Variants in MAP9 observed in about 807,000 individuals in gnomAD.
MAP9 encodes microtubule associated protein 9.
A neutral mutation model predicts 75.2 loss-of-function variants in MAP9; 80 were observed. That is an observed-to-expected ratio of 1.06 (90% CI 0.89 to 1.28). The LOEUF is 1.28. Ranked by LOEUF, MAP9 falls within the 50% of genes most tolerant of loss-of-function variation. The pLI is 0.00. For synonymous variants in MAP9, 235 were observed against 237.3 expected, an observed-to-expected ratio of 0.99 and a Z score of 0.09; for missense variants, 753 against 719.9, an observed-to-expected ratio of 1.05 and a Z score of -0.53.
chr4:155,368,631 T>C lies in MAP9; in HGVS notation c.663A>G (p.Gln221=), dbSNP rs199796691. ...PSSLPTPNGI[Q]LEAEKKAFSE... is the part of the protein sequence containing the mutation. ...AGAATGCTTTTTTCTCAGCTTCTAA[T>C]TGTATGCCATTCGGCGTTGGAAGGG... is the stretch of plus-strand genomic sequence containing the variant. Residue 221 remains glutamine, a synonymous_variant, in exon 5 of 14, where the codon CAA becomes CAG. Coordinates refer to ENST00000311277, the MANE Select transcript of MAP9 (RefSeq NM_001039580.2). 155 of 1,614,080 alleles carry C rather than the reference T, an allele frequency of 9.6e-5. No homozygotes were observed. The highest frequency in any genetic ancestry group is 1.2e-4 in the Non-Finnish European group (146 of 1,180,038).
chr4:155,352,135 C>A (rs191684171), intron 13 of MAP9, among the ~76,000 whole-genome samples: 1 of 152,010 alleles, frequency 6.6e-6, no homozygotes, highest in East Asian at 1.9e-4. Context: ...ATTAAAAATT[C>A]CTAAATAAGA....
rs943000741 is a variant in MAP9 at position 155,343,342 on chromosome 4, T to C, written c.*4441A>G. On this transcript the variant is annotated 3_prime_UTR_variant, in exon 14 of 14. Transcript: ENST00000311277. ...GCTTAATTTCAGCTACAGGAGAAAG[T>C]ACACTAGAAACTAATTAACAGGAAG... The C allele has an allele frequency of 6.6e-6, 1 of 151,744 alleles. No homozygotes were observed. Among genetic ancestry groups the C allele is most frequent in the African/African-American group, 2.4e-5 (1 of 41,410 alleles). The allele number at this position is 151,744 out of a possible 1,614,324, so 9.4% of individuals were successfully genotyped here.
chr4:155,375,488 C>T (rs1434704299), intron 2 of MAP9, among the ~76,000 whole-genome samples: 1 of 151,738 alleles, frequency 6.6e-6, no homozygotes, highest in East Asian at 1.9e-4. Context: ...AAAACTTAAA[C>T]ATTATGTTAC....
At position 155,344,755 on chromosome 4, in the gene MAP9, A is replaced by C. The variant is rs1731224467; in HGVS notation, c.*3028T>G. On this transcript the variant is annotated 3_prime_UTR_variant, in exon 14 of 14. Transcript: ENST00000311277. ...TATTGCATCTTTTAAGTTAAATAGC[A>C]TTACCACTTTCTTCATTATTATGAA... The C allele has an allele frequency of 6.6e-6, 1 of 151,954 alleles. No homozygotes were observed. Among genetic ancestry groups the C allele is most frequent in the Non-Finnish European group, 1.5e-5 (1 of 67,888 alleles). 9.4% of individuals were successfully genotyped at this position (151,954 alleles called of 1,614,324 possible).
intron 8 of MAP9, chr4:155,357,051 A>G (rs1171796812): frequency 1.6e-5 from 3 of 191,292 alleles, no homozygotes; most frequent in African/African-American, 4.8e-5. Flanking sequence ...TCATTGCTAG[A>G]CTTCAGCTTT....
chr4:155,369,053 T>C (rs967648343), intron 4 of MAP9, among the ~76,000 whole-genome samples: 1 of 152,098 alleles, frequency 6.6e-6, no homozygotes, highest in Non-Finnish European at 1.5e-5. Flanking sequence ...TTGGGAGCGG[T>C]GACTCACGCC....
chr4:155,360,448 C>G lies in MAP9; in HGVS notation c.803-33G>C, dbSNP rs371172754. 18 of 1,578,624 alleles carry G rather than the reference C, an allele frequency of 1.1e-5. No homozygotes were observed. The African/African-American group carries it at 1.8e-4, about 15-fold the overall frequency. ...GAGACAGAGTAATAGCATTAAAACC[C>G]CCTTCTGAATTAATAAGGTAAATAC... On this transcript the variant is annotated intron_variant, in intron 6 of 13. Transcript: ENST00000311277.
intron 3 of MAP9, among the ~76,000 whole-genome samples, chr4:155,373,947 G>A (rs1349369383): frequency 2.0e-5 from 3 of 152,112 alleles, no homozygotes; most frequent in African/African-American, 7.2e-5. Flanking sequence ...GATTTACTAA[G>A]AATCATAAGA....
intron 7 of MAP9, 109 bp from the exon 8 acceptor site, chr4:155,357,628 C>T: frequency 1.5e-6 from 1 of 666,752 alleles, no homozygotes; most frequent in Non-Finnish European, 2.6e-6. Context: ...TACTATGTGT[C>T]AAACACAGTA....
intron 4 of MAP9, among the ~76,000 whole-genome samples, chr4:155,370,341 G>A (rs1444518819): frequency 6.6e-6 from 1 of 152,120 alleles, no homozygotes; most frequent in African/African-American, 2.4e-5. Flanking sequence ...GGCTCCCCAT[G>A]ATCCAATCCT....
At chr4:155,356,018 TGGAA>T in intron 8 of MAP9, 134 bp from the exon 9 acceptor site, 1 of 778,804 alleles carries the variant, frequency 1.3e-6, no homozygotes, top group Non-Finnish European at 2.0e-6. Flanking sequence ...CCCAGCACTT[TGGAA>T]GGCCAAAGTG....
intron 7 of MAP9, among the ~76,000 whole-genome samples, chr4:155,357,788 A>G (rs1731867418): frequency 6.6e-6 from 1 of 152,138 alleles, no homozygotes; most frequent in East Asian, 1.9e-4. Context: ...GGGGCTGAGG[A>G]GCTGCTTTAA....
chr4:155,355,960 C>A, intron 8 of MAP9, 76 bp from the exon 9 acceptor site: 1 of 1,305,008 alleles, frequency 7.7e-7, no homozygotes, highest in Admixed American at 2.2e-5. Flanking sequence ...AGAATATGCA[C>A]GTATAATATT....
rs1426447897 is a variant in MAP9 at position 155,343,649 on chromosome 4, C to T, written c.*4134G>A. ...TTTTGGAACACAGTCAATAGTGTCACCCAATAAAATAAATCTTGAATGGTT... is the reference window on the plus strand; with the variant it reads ...TTTTGGAACACAGTCAATAGTGTCATCCAATAAAATAAATCTTGAATGGTT... On this transcript the variant is annotated 3_prime_UTR_variant, in exon 14 of 14. Transcript: ENST00000311277. 8 of 151,632 alleles carry T rather than the reference C, an allele frequency of 5.3e-5. No individual in the cohort carries two copies. The highest frequency in any genetic ancestry group is 5.3e-4 in the Admixed American group (8 of 15,198). The allele number at this position is 151,632 out of a possible 1,614,324, so 9.4% of individuals were successfully genotyped here.
chr4:155,368,580 G>A lies in MAP9; in HGVS notation c.708+6C>T. 1 of 1,604,616 alleles carries A rather than the reference G, an allele frequency of 6.2e-7. No homozygotes were observed. The highest frequency in any genetic ancestry group is 8.5e-7 in the Non-Finnish European group (1 of 1,171,320). ...CACAATTCAACAGTTTAGTGGTAGTGCTAACCTCAGGATCAAGGTTTTCAG... is the reference window on the plus strand; with the variant it reads ...CACAATTCAACAGTTTAGTGGTAGTACTAACCTCAGGATCAAGGTTTTCAG... On this transcript the variant is annotated splice_donor_region_variant and intron_variant, in intron 5 of 13. Coordinates refer to ENST00000311277, the MANE Select transcript of MAP9 (RefSeq NM_001039580.2).
rs1167565029 is a variant in MAP9, at chr4:155,355,119, G to A, written c.1332C>T (p.His444=). ...TTTCACTTTCAATTCTTTTTATTCT[G>A]TGCATTTCATGTAAATACACATTTT... ...EKKNVYLHEM[H]RIKRIESENL... The change falls in exon 10 of 14, where the codon CAC becomes CAT. Residue 444 remains histidine (H), a synonymous_variant. Transcript: ENST00000311277. 7.1e-7 allele frequency: 1 copy of A among 1,407,310 alleles called. No homozygotes were observed. The highest frequency in any genetic ancestry group is 1.8e-4 in the Middle Eastern group (1 of 5,570). 87.2% of individuals were successfully genotyped at this position (1,407,310 alleles called of 1,614,324 possible).
At chr4:155,366,936 C>T (rs1403484308) in intron 5 of MAP9, among the ~76,000 whole-genome samples, 2 of 152,124 alleles carry the variant, frequency 1.3e-5, no homozygotes, top group Non-Finnish European at 2.9e-5. Context: ...TCATTTGATA[C>T]CCAAGCCTGA....
At position 155,373,487 on chromosome 4, in the gene MAP9, C is replaced by T. The variant is rs773142997; in HGVS notation, c.161-31G>A. The T allele has an allele frequency of 6.5e-6, 9 of 1,385,348 alleles. No homozygotes were observed. The African/African-American group carries it at 1.3e-4, about 20-fold the overall frequency. The allele number at this position is 1,385,348 out of a possible 1,614,324, so 85.8% of individuals were successfully genotyped here. A position where few individuals can be genotyped will look rare whatever the true frequency, so the allele number is the denominator to read the frequency against. On this transcript the variant is annotated intron_variant, in intron 3 of 13. Transcript: ENST00000311277. ...AAATGGAAAAGAAAAATGTTTTCAA[C>T]AGTATTTTTAAAAATTGTCAAGGTT...
In MAP9 at chr4:155,347,681, A is replaced by T; in HGVS notation, c.*102T>A. 1 of 1,143,390 alleles carries T rather than the reference A, an allele frequency of 8.7e-7. No homozygotes were observed. Among genetic ancestry groups the T allele is most frequent in the Non-Finnish European group, 1.2e-6 (1 of 833,000 alleles). The allele number at this position is 1,143,390 out of a possible 1,614,324, so 70.8% of individuals were successfully genotyped here. A position where few individuals can be genotyped will look rare whatever the true frequency, so the allele number is the denominator to read the frequency against. ...TGTCAGCAGGAGTGTCTGGCATTTA[A>T]TTAAAATATATTCCTCTAACTATAA... On this transcript the variant is annotated 3_prime_UTR_variant, in exon 14 of 14. Coordinates refer to ENST00000311277, the MANE Select transcript of MAP9 (RefSeq NM_001039580.2).
Sources: allele counts gnomAD v4.1 joint callset (sites outside exome capture counted in the v4.1 genomes callset), GRCh38; gene constraint gnomAD v4.1.1; transcripts MANE v1.5; gene names NCBI Gene and HGNC (gene_info 2026-07-23, HGNC 2026-07-21).